Variants in APOL5 observed in about 807,000 individuals in gnomAD.
APOL5 encodes apolipoprotein L5, also known as apolipoprotein L, 5.
APOL5 carries 29 observed loss-of-function variants against 35.5 expected under a neutral mutation model. The ratio of observed to expected loss-of-function variants is 0.82; its 90% confidence interval spans 0.61 to 1.11. The LOEUF (loss-of-function observed/expected upper bound fraction) is 1.11, where lower values mean the gene tolerates loss of function less well. Ranked by LOEUF, APOL5 falls within the 50% of genes most tolerant of loss-of-function variation. The pLI, the probability that APOL5 is intolerant of heterozygous loss-of-function variation, is 0.00. For synonymous variants in APOL5, 188 were observed against 200.2 expected (o/e 0.94, Z 0.51); for missense variants, 514 against 530.4 (o/e 0.97, Z 0.30).
At chr22:35,724,339 G>C (rs1438266311) in intron 2 of APOL5, among the ~76,000 whole-genome samples, 1 of 148,622 alleles carries the variant, frequency 6.7e-6, no homozygotes, top group African/African-American at 2.5e-5. Context: ...GATGTCCCAG[G>C]TTCCCTGCCC....
intron 2 of APOL5, among the ~76,000 whole-genome samples, chr22:35,724,450 T>A (rs5999983): frequency 0.099 from 15,054 of 151,906 alleles, 2,521 homozygotes; most frequent in African/African-American, 0.34. Context: ...TACTGTTTTT[T>A]AATCAAATTG....
In APOL5 at chr22:35,720,636, T is replaced by G; in HGVS notation, c.124T>G (p.Ser42Ala). The change falls in exon 2 of 5, where the codon TCC (serine) becomes GCC (alanine). Residue 42 changes from serine to alanine, a missense_variant. Coordinates refer to ENST00000249044, the MANE Select transcript of APOL5 (RefSeq NM_030642.1). Reference protein sequence around the residue: ...VIYGGEVWGKSPEPEFPSLVN... With the variant: ...VIYGGEVWGKAPEPEFPSLVN... ...CTACGGAGGTGAGGTCTGGGGGAAG[T>G]CCCCAGAACCTGAGTTCCGTGAGGG... is the stretch of plus-strand genomic sequence containing the variant. 1 of 1,613,390 alleles carries G rather than the reference T, an allele frequency of 6.2e-7. No individual in the cohort carries two copies. The highest frequency in any genetic ancestry group is 1.1e-5 in the South Asian group (1 of 90,960).
intron 1 of APOL5, among the ~76,000 whole-genome samples, chr22:35,719,031 C>T (rs1926864256): frequency 6.7e-6 from 1 of 150,348 alleles, no homozygotes; most frequent in Admixed American, 6.7e-5. Context: ...TGCATTCCAG[C>T]CTGGGTGACA....
At chr22:35,728,993 AG>A in intron 4 of APOL5, 89 bp downstream of exon 4, 1 of 1,376,136 alleles carries the variant, frequency 7.3e-7, no homozygotes, top group Non-Finnish European at 9.6e-7. Context: ...AGGGAAAGAG[AG>A]GGAGGGCCTA....
intron 2 of APOL5, among the ~76,000 whole-genome samples, chr22:35,725,586 T>A (rs1019186897): frequency 2.7e-5 from 4 of 150,712 alleles, no homozygotes. Context: ...GATAATTTGG[T>A]GGGTAAGGGT....
At position 35,726,279 on chromosome 22, in the gene APOL5, G is replaced by C; in HGVS notation, c.211G>C (p.Ala71Pro). ...GATGTCAACTGTCCACAGTGATGAG[G>C]CTGGTATGCTGTCCTACTTTCTGTT... ...NLMSTVHSDE[A>P]GMLSYFLFEE... is the part of the protein sequence containing the mutation. The change falls in exon 3 of 5, where the codon GCT (alanine) becomes CCT (proline). Residue 71 changes from alanine to proline, a missense_variant. Ala to Pro is a conservative substitution (Grantham distance 27). Transcript: ENST00000249044. 1 of 1,614,174 alleles carries C rather than the reference G, an allele frequency of 6.2e-7. No homozygotes were observed. Among genetic ancestry groups the C allele is most frequent in the South Asian group, 1.1e-5 (1 of 91,084 alleles).
upstream of APOL5, among the ~76,000 whole-genome samples, chr22:35,717,235 A>AAAAAAAAAAAAAAATAT: frequency 1.7e-5 from 1 of 57,664 alleles, no homozygotes; most frequent in African/African-American, 8.0e-5. Flanking sequence ...AAAAAAAAAA[A>AAAAAAAAAAAAAAATAT]ATATATATAT....
upstream of APOL5, chr22:35,717,805 C>T: frequency 9.7e-7 from 1 of 1,026,498 alleles, no homozygotes; most frequent in South Asian, 2.2e-5. Context: ...AGACAGGTTT[C>T]AGGCATGGAG....
chr22:35,713,030 A>G (rs567027320), upstream of APOL5, among the ~76,000 whole-genome samples: 49 of 152,302 alleles, frequency 3.2e-4, no homozygotes, highest in African/African-American at 1.2e-3. Flanking sequence ...TAGTCTTACT[A>G]TTTTGAACAC....
chr22:35,718,741 C>G (rs1026462528), intron 1 of APOL5, among the ~76,000 whole-genome samples: 2 of 151,654 alleles, frequency 1.3e-5, no homozygotes, highest in African/African-American at 4.8e-5. Flanking sequence ...ATGGAAAATA[C>G]TTGTATAACA....
At chr22:35,727,255 T>TG in intron 3 of APOL5, 61 bp downstream of exon 3, 2 of 1,541,352 alleles carry the variant, frequency 1.3e-6, no homozygotes, top group East Asian at 2.3e-5. Context: ...ACCATGAGGG[T>TG]GGGGGGCGAC....
At chr22:35,728,666 T>C in intron 3 of APOL5, 57 bp from the exon 4 acceptor site, 1 of 1,575,698 alleles carries the variant, frequency 6.3e-7, no homozygotes, top group Non-Finnish European at 8.6e-7. Flanking sequence ...CTTCTGAACG[T>C]CCAGGGGCAG....
intron 1 of APOL5, among the ~76,000 whole-genome samples, chr22:35,719,139 C>A (rs78215448): frequency 0.025 from 3,795 of 151,988 alleles, 157 homozygotes; most frequent in African/African-American, 0.087. Flanking sequence ...AAAAATAATA[C>A]GGATTTGAAA....
the APOL5 span, among the ~76,000 whole-genome samples, chr22:35,708,843 G>A: frequency 3.3e-5 from 5 of 152,186 alleles, no homozygotes; most frequent in African/African-American, 1.2e-4. Context: ...TTACTGTCAT[G>A]TTGTGGGGAC....
At chr22:35,724,399 AAAAG>A (rs1437133630) in intron 2 of APOL5, among the ~76,000 whole-genome samples, 2 of 151,720 alleles carry the variant, frequency 1.3e-5, no homozygotes, top group African/African-American at 4.8e-5. Context: ...TTTTTAAAGA[AAAAG>A]AAAGAAGATC....
At chr22:35,715,396 C>A (rs911020987), upstream of APOL5, among the ~76,000 whole-genome samples, 9 of 152,252 alleles carry the variant, frequency 5.9e-5, no homozygotes, top group Admixed American at 5.2e-4. Context: ...TTAATCCCAG[C>A]ACTTTGAGAG....
intron 2 of APOL5, among the ~76,000 whole-genome samples, chr22:35,725,518 G>T (rs918626217): frequency 1.3e-5 from 2 of 151,808 alleles, no homozygotes; most frequent in Non-Finnish European, 2.9e-5. Context: ...CTCCCAAAAT[G>T]CTGGGATTAC....
chr22:35,724,814 T>A (rs1198347576), intron 2 of APOL5, among the ~76,000 whole-genome samples: 3 of 152,132 alleles, frequency 2.0e-5, no homozygotes, highest in Admixed American at 1.3e-4. Flanking sequence ...TTTCACCAAG[T>A]TGGTCAGGCT....
chr22:35,718,000 C>T (rs4821438), intron 1 of APOL5, 74 bp downstream of exon 1: 873,947 of 1,270,448 alleles, frequency 0.69, 303,527 homozygotes, highest in African/African-American at 0.83. Context: ...AGAAAAAATA[C>T]GTTACACTAT....
Sources: allele counts gnomAD v4.1 joint callset (sites outside exome capture counted in the v4.1 genomes callset), GRCh38; gene constraint gnomAD v4.1.1; transcripts MANE v1.5; gene names NCBI Gene and HGNC (gene_info 2026-07-23, HGNC 2026-07-21).